Variants in RARB observed in about 807,000 individuals in gnomAD.
The protein encoded by RARB is retinoic acid receptor beta.
In RARB, 17 loss-of-function variants were observed where a neutral mutation model predicts 51.9. That is an observed-to-expected ratio of 0.33 (90% CI 0.22 to 0.49). The LOEUF is 0.49. Among genes scored for constraint, RARB ranks in the 20% least tolerant of loss-of-function variants. RARB has a pLI of 0.99. For missense variants in RARB, 369 were observed against 550.8 expected (o/e 0.67, Z 3.30); for synonymous variants, 215 against 195.4 (o/e 1.10, Z -0.84).
At chr3:24,996,639 A>G (rs1697046345) in intron 2 of RARB, among the ~76,000 whole-genome samples, 4 of 151,152 alleles carry the variant, frequency 2.6e-5, no homozygotes, top group Admixed American at 1.3e-4. Flanking sequence ...CATAGGTTTC[A>G]GTATGTTGTG....
intron 1 of RARB, among the ~76,000 whole-genome samples, chr3:25,456,151 ATGTT>A (rs1218073423): frequency 6.6e-6 from 1 of 152,250 alleles, no homozygotes; most frequent in Non-Finnish European, 1.5e-5. Flanking sequence ...AAGGAACAAA[ATGTT>A]TGAGGCCTCT....
intron 1 of RARB, among the ~76,000 whole-genome samples, chr3:24,856,028 G>A (rs1441267454): frequency 6.6e-6 from 1 of 151,878 alleles, no homozygotes; most frequent in Non-Finnish European, 1.5e-5. Flanking sequence ...GGGATTACAG[G>A]CGTGAACCAC....
intron 5 of RARB, among the ~76,000 whole-genome samples, chr3:25,360,467 A>C (rs1051571800): frequency 1.3e-4 from 20 of 152,078 alleles, no homozygotes; most frequent in South Asian, 2.1e-4. Context: ...GCATTTAGCC[A>C]ATTTACATTT....
At chr3:24,932,525 C>A (rs752882720) in intron 2 of RARB, among the ~76,000 whole-genome samples, 1 of 151,746 alleles carries the variant, frequency 6.6e-6, no homozygotes, top group Non-Finnish European at 1.5e-5. Flanking sequence ...TCTACATATG[C>A]GTATGCATTT....
chr3:24,902,934 G>A lies in RARB; in HGVS notation c.-380+44182G>A, dbSNP rs191861480. On this transcript the variant is annotated intron_variant, in intron 2 of 11. Transcript: ENST00000383772. Reference sequence around the variant, plus strand: ...AAAGTATTTGATTATCTTTATATTCGTAAGGGTGTTTCTAAACTAATTTTT... The same window carrying A: ...AAAGTATTTGATTATCTTTATATTCATAAGGGTGTTTCTAAACTAATTTTT... Among the ~76,000 whole-genome samples, 435 of 152,068 alleles carry A rather than the reference G, an allele frequency of 2.9e-3. 4 individuals carry two copies. Among genetic ancestry groups the A allele is most frequent in the African/African-American group, 9.8e-3 (405 of 41,496 alleles).
intron 5 of RARB, among the ~76,000 whole-genome samples, chr3:25,335,422 C>T (rs1242373087): frequency 6.6e-6 from 1 of 152,182 alleles, no homozygotes; most frequent in Non-Finnish European, 1.5e-5. Flanking sequence ...AAAAGCTTTG[C>T]AGAAGCAATC....
intron 4 of RARB, among the ~76,000 whole-genome samples, chr3:25,142,184 A>G (rs984974648): frequency 7.2e-5 from 11 of 152,120 alleles, no homozygotes; most frequent in African/African-American, 2.4e-4. Flanking sequence ...AAGCACAAAA[A>G]TTAACCAGGC....
intron 5 of RARB, among the ~76,000 whole-genome samples, chr3:25,253,954 GAATA>G (rs1350028142): frequency 6.6e-6 from 1 of 152,096 alleles, no homozygotes; most frequent in Non-Finnish European, 1.5e-5. Context: ...TGTCCTAAAA[GAATA>G]AAAGGATATC....
intron 3 of RARB, among the ~76,000 whole-genome samples, chr3:25,096,447 A>G (rs932367437): frequency 6.6e-6 from 1 of 152,168 alleles, no homozygotes; most frequent in African/African-American, 2.4e-5. Flanking sequence ...CAGTTATTTG[A>G]CAGTAGTCAT....
chr3:25,452,295 A>G (rs57444137), intron 1 of RARB, among the ~76,000 whole-genome samples: 49,641 of 152,062 alleles, frequency 0.33, 8,462 homozygotes, highest in East Asian at 0.51. Context: ...CATATTATCA[A>G]AATGAAATGT....
intron 1 of RARB, among the ~76,000 whole-genome samples, chr3:25,452,025 C>T (rs185281098): frequency 7.4e-4 from 112 of 152,308 alleles, no homozygotes; most frequent in Non-Finnish European, 1.3e-3. Context: ...AAGCAATTAG[C>T]TTCGTCTACA....
At chr3:25,438,617 C>T (rs9284857) in intron 1 of RARB, among the ~76,000 whole-genome samples, 7,807 of 152,166 alleles carry the variant, frequency 0.051, 289 homozygotes, top group African/African-American at 0.093. Flanking sequence ...GTGAATAACA[C>T]GGATTGTAAG....
At chr3:25,225,483 C>G (rs1418153880) in intron 5 of RARB, among the ~76,000 whole-genome samples, 1 of 152,122 alleles carries the variant, frequency 6.6e-6, no homozygotes, top group African/African-American at 2.4e-5. Flanking sequence ...GGCCATATTT[C>G]AACACCAAAT....
intron 5 of RARB, among the ~76,000 whole-genome samples, chr3:25,363,098 A>G (rs1390587595): frequency 1.3e-5 from 2 of 152,226 alleles, no homozygotes; most frequent in South Asian, 2.1e-4. Flanking sequence ...GGCAAAACGA[A>G]GAGTGCAAAA....
At chr3:25,059,927 T>G (rs1698514665) in intron 2 of RARB, among the ~76,000 whole-genome samples, 1 of 151,838 alleles carries the variant, frequency 6.6e-6, no homozygotes, top group Non-Finnish European at 1.5e-5. Flanking sequence ...AAAAGTGAGT[T>G]GTCGGTGAAA....
intron 5 of RARB, among the ~76,000 whole-genome samples, chr3:25,360,823 T>C (rs964585653): frequency 1.3e-5 from 2 of 152,220 alleles, no homozygotes; most frequent in Non-Finnish European, 2.9e-5. Flanking sequence ...TCTTCTGGCT[T>C]GTAGGGTTTC....
chr3:25,589,538 G>A (rs1166198146), intron 5 of RARB, among the ~76,000 whole-genome samples: 3 of 152,234 alleles, frequency 2.0e-5, no homozygotes, highest in Admixed American at 6.5e-5. Flanking sequence ...CTCACCGTAA[G>A]AGAGGTGATG....
At chr3:25,361,053 GATA>G (rs1234208361) in intron 5 of RARB, among the ~76,000 whole-genome samples, 1 of 152,112 alleles carries the variant, frequency 6.6e-6, no homozygotes, top group Admixed American at 6.5e-5. Flanking sequence ...AGTTCTCCTG[GATA>G]ATATCCTGAA....
At chr3:24,940,734 T>A (rs1695646829) in intron 2 of RARB, among the ~76,000 whole-genome samples, 2 of 152,122 alleles carry the variant, frequency 1.3e-5, no homozygotes, top group Non-Finnish European at 2.9e-5. Flanking sequence ...TGCTTGGCAG[T>A]GACAGGAAGT....
Sources: gnomAD v4.1 joint callset for allele counts (sites outside exome capture counted in the v4.1 genomes callset) on GRCh38, gnomAD v4.1.1 for gene constraint, MANE v1.5 for transcripts, NCBI Gene and HGNC (gene_info 2026-07-23, HGNC 2026-07-21) for gene names.